The following PSMA6 variants were observed in gnomAD, a reference collection of about 807,000 sequenced individuals.
PSMA6 encodes the protein proteasome subunit alpha type-6.
For synonymous variants in PSMA6, 88 were observed against 97.7 expected (o/e 0.90, Z 0.59); for missense variants, 170 against 294.8 (o/e 0.58, Z 3.10).
chr14:35,315,013 A>C (rs1244553191), intron 6 of PSMA6: 1 of 150,592 alleles, frequency 6.6e-6, no homozygotes, highest in East Asian at 1.9e-4. Context: ...TAACTCCCAC[A>C]CATCAGCCTT....
At chr14:35,308,628 G>A (rs983480007) in intron 2 of PSMA6, 7 of 343,274 alleles carry the variant, frequency 2.0e-5, no homozygotes, top group Admixed American at 9.2e-5. Context: ...GCATAACGGT[G>A]TTTCTAAGTC....
chr14:35,292,070 T>G (rs1459666872), upstream of PSMA6, among the ~76,000 whole-genome samples: 1 of 152,204 alleles, frequency 6.6e-6, no homozygotes, highest in African/African-American at 2.4e-5. Context: ...AGGATGCATG[T>G]AAGAGACTTG....
chr14:35,303,154 A>G (rs565704279), intron 1 of PSMA6, among the ~76,000 whole-genome samples: 2 of 152,290 alleles, frequency 1.3e-5, no homozygotes, highest in Admixed American at 6.5e-5. Context: ...GGATTCTGTT[A>G]TATTTCTCCA....
intron 1 of PSMA6, among the ~76,000 whole-genome samples, chr14:35,280,912 C>T (rs2051359883): frequency 6.6e-6 from 1 of 152,154 alleles, no homozygotes; most frequent in African/African-American, 2.4e-5. Context: ...CTTTTGGCTC[C>T]CTATGAGATG....
chr14:35,293,903 A>G (rs532378238), intron 1 of PSMA6, among the ~76,000 whole-genome samples: 2 of 152,372 alleles, frequency 1.3e-5, no homozygotes, highest in East Asian at 3.9e-4. Context: ...TGTGAAGTCC[A>G]GCCATAAAGC....
chr14:35,311,917 C>T (rs1034472914), intron 4 of PSMA6, among the ~76,000 whole-genome samples: 16 of 151,836 alleles, frequency 1.1e-4, no homozygotes, highest in African/African-American at 3.9e-4. Context: ...TTCCCTGGAA[C>T]CTTAATAGGT....
At chr14:35,281,770 T>C (rs2051368167) in intron 1 of PSMA6, among the ~76,000 whole-genome samples, 1 of 152,222 alleles carries the variant, frequency 6.6e-6, no homozygotes, top group South Asian at 2.1e-4. Context: ...AGAAATTTTT[T>C]TTTAAATTAT....
intron 1 of PSMA6, among the ~76,000 whole-genome samples, chr14:35,296,866 C>T (rs1043074092): frequency 6.6e-6 from 1 of 152,112 alleles, no homozygotes; most frequent in African/African-American, 2.4e-5. Context: ...ATGTGCATAT[C>T]TACATAAATA....
intron 1 of PSMA6, chr14:35,293,397 C>T (rs777024137): frequency 6.0e-6 from 1 of 165,872 alleles, no homozygotes; most frequent in Admixed American, 6.2e-5. Flanking sequence ...TAAGCCAGAC[C>T]CTTGATCTCT....
intron 1 of PSMA6, among the ~76,000 whole-genome samples, chr14:35,281,990 C>A (rs1160846969): frequency 6.6e-6 from 1 of 152,170 alleles, no homozygotes; most frequent in Non-Finnish European, 1.5e-5. Context: ...CATTTACTTA[C>A]AAATACCTTT....
intron 1 of PSMA6, among the ~76,000 whole-genome samples, chr14:35,294,359 G>T (rs1254760284): frequency 6.6e-6 from 1 of 152,182 alleles, no homozygotes; most frequent in Non-Finnish European, 1.5e-5. Context: ...TTTAATCTCT[G>T]TGAATAACAC....
At chr14:35,282,526 G>A (rs957245066) in intron 1 of PSMA6, among the ~76,000 whole-genome samples, 5 of 151,962 alleles carry the variant, frequency 3.3e-5, no homozygotes, top group Non-Finnish European at 7.4e-5. Context: ...CTTCCAAAGC[G>A]CTGGGATTAC....
At chr14:35,291,848 GAC>G (rs1168570607), upstream of PSMA6, among the ~76,000 whole-genome samples, 1 of 109,326 alleles carries the variant, frequency 9.1e-6, no homozygotes, top group Non-Finnish European at 1.9e-5. Context: ...AAAAAAAAAA[GAC>G]TAAAAATTGT....
intron 1 of PSMA6, chr14:35,293,360 A>T (rs1229486081): frequency 5.2e-6 from 1 of 192,986 alleles, no homozygotes; most frequent in Non-Finnish European, 1.1e-5. Context: ...TTGCGCTGAA[A>T]CGGTGTCAAG....
At chr14:35,301,764 CA>C (rs1240195056) in intron 1 of PSMA6, among the ~76,000 whole-genome samples, 2 of 152,104 alleles carry the variant, frequency 1.3e-5, no homozygotes, top group African/African-American at 4.8e-5. Context: ...TTTTGTGAGA[CA>C]AAAGTTTATG....
intron 1 of PSMA6, among the ~76,000 whole-genome samples, chr14:35,306,839 G>T (rs763721199): frequency 1.9e-4 from 29 of 152,040 alleles, no homozygotes; most frequent in Non-Finnish European, 4.1e-4. Context: ...ATAAGCTGAG[G>T]TTTGTTATAG....
upstream of PSMA6, chr14:35,278,614 G>C (rs547989528): frequency 7.1e-7 from 1 of 1,417,060 alleles, no homozygotes; most frequent in East Asian, 2.5e-5. Flanking sequence ...CCATCCATGC[G>C]GCTCTGCTGG....
intron 4 of PSMA6, 90 bp downstream of exon 4, chr14:35,310,985 T>G (rs1416328833): frequency 7.6e-7 from 1 of 1,310,750 alleles, no homozygotes; most frequent in African/African-American, 1.5e-5. Context: ...ACACTTGAGT[T>G]CTGAACATGT....
intron 1 of PSMA6, among the ~76,000 whole-genome samples, chr14:35,283,489 A>G (rs1314464722): frequency 3.3e-5 from 5 of 151,486 alleles, no homozygotes; most frequent in Non-Finnish European, 7.4e-5. Flanking sequence ...GATGATTTTT[A>G]CTTCATCTTC....
Sources: allele counts gnomAD v4.1 joint callset (sites outside exome capture counted in the v4.1 genomes callset), GRCh38; gene constraint gnomAD v4.1.1; transcripts MANE v1.5; gene names NCBI Gene and HGNC (gene_info 2026-07-23, HGNC 2026-07-21).